Variants in PLPPR5 observed in about 807,000 individuals in gnomAD.
PLPPR5 encodes the protein phospholipid phosphatase-related protein type 5.
PLPPR5 carries 16 observed loss-of-function variants against 33.9 expected under a neutral mutation model. The ratio of observed to expected loss-of-function variants is 0.47; its 90% CI spans 0.32 to 0.72. The LOEUF is 0.72. PLPPR5 is among the 30% of genes least tolerant of loss of function. The probability of loss-of-function intolerance (pLI) is 0.03; values close to 1 mark genes in which losing one functional copy is unlikely to be tolerated. For missense variants in PLPPR5, 301 were observed against 406.7 expected, an observed-to-expected ratio of 0.74 and a Z score of 2.23; for synonymous variants, 163 against 150.3, an observed-to-expected ratio of 1.08 and a Z score of -0.62.
chr1:98,969,939 G>T (rs1651602147), intron 1 of PLPPR5, among the ~76,000 whole-genome samples: 1 of 151,928 alleles, frequency 6.6e-6, no homozygotes. Context: ...GGCTTTTGAG[G>T]TGACAGCTCT....
chr1:98,979,663 T>A (rs1441843509), intron 1 of PLPPR5, among the ~76,000 whole-genome samples: 3 of 152,064 alleles, frequency 2.0e-5, no homozygotes. Flanking sequence ...TTCTGCCTCC[T>A]GCGATGGATT....
chr1:98,979,140 A>C (rs906847794), intron 1 of PLPPR5, among the ~76,000 whole-genome samples: 1 of 152,018 alleles, frequency 6.6e-6, no homozygotes, highest in Admixed American at 6.6e-5. Context: ...TGAATTTTTG[A>C]AAGTTTAGCT....
chr1:98,969,903 G>A (rs1196800810), intron 1 of PLPPR5, among the ~76,000 whole-genome samples: 1 of 152,016 alleles, frequency 6.6e-6, no homozygotes, highest in Non-Finnish European at 1.5e-5. Flanking sequence ...GATACTCTGA[G>A]TAACACTCTC....
intron 3 of PLPPR5, among the ~76,000 whole-genome samples, chr1:98,943,213 C>T (rs1650442869): frequency 6.6e-6 from 1 of 152,134 alleles, no homozygotes; most frequent in Non-Finnish European, 1.5e-5. Flanking sequence ...ATCTTCAACC[C>T]TTTGCACAGT....
intron 1 of PLPPR5, among the ~76,000 whole-genome samples, chr1:99,001,896 T>C (rs1433893194): frequency 6.6e-6 from 1 of 151,708 alleles, no homozygotes; most frequent in Non-Finnish European, 1.5e-5. Flanking sequence ...TACTTAATCT[T>C]TCTAAGCCAT....
intron 3 of PLPPR5, among the ~76,000 whole-genome samples, chr1:98,928,571 A>ATATATATATATATATATATC (rs1251556217): frequency 7.0e-6 from 1 of 142,594 alleles, no homozygotes; most frequent in Non-Finnish European, 1.5e-5. Flanking sequence ...ATATATATAT[A>ATATATATATATATATATATC]TGGTTCACTT....
intron 3 of PLPPR5, among the ~76,000 whole-genome samples, chr1:98,931,113 G>T (rs982587469): frequency 6.6e-6 from 1 of 152,132 alleles, no homozygotes; most frequent in East Asian, 1.9e-4. Context: ...GGAGGAGCAG[G>T]ATGACTCTTT....
intron 2 of PLPPR5, among the ~76,000 whole-genome samples, chr1:98,956,037 C>T (rs549634744): frequency 1.4e-4 from 22 of 152,178 alleles, no homozygotes; most frequent in South Asian, 1.2e-3. Context: ...ATCCCCAATA[C>T]TTTTTTGTTT....
chr1:98,948,290 C>T (rs889072405), intron 3 of PLPPR5, among the ~76,000 whole-genome samples: 3 of 152,086 alleles, frequency 2.0e-5, no homozygotes, highest in African/African-American at 7.2e-5. Context: ...GATTGTTGTG[C>T]ATGGGACTTT....
At chr1:98,908,339 C>T (rs1391524173) in intron 5 of PLPPR5, among the ~76,000 whole-genome samples, 7 of 152,104 alleles carry the variant, frequency 4.6e-5, no homozygotes, top group Non-Finnish European at 7.4e-5. Flanking sequence ...CTGTAGTTTT[C>T]ACTCTTGGTG....
chr1:98,952,712 C>A (rs1419775569), intron 3 of PLPPR5, among the ~76,000 whole-genome samples: 1 of 152,172 alleles, frequency 6.6e-6, no homozygotes, highest in Non-Finnish European at 1.5e-5. Context: ...CTTGGGTAGG[C>A]AGCTAAGAGG....
At chr1:98,939,496 G>A (rs1650297280) in intron 3 of PLPPR5, among the ~76,000 whole-genome samples, 1 of 151,912 alleles carries the variant, frequency 6.6e-6, no homozygotes, top group Non-Finnish European at 1.5e-5. Context: ...TTCTCCACAT[G>A]TATTGTCTCC....
intron 4 of PLPPR5, 81 bp from the exon 5 acceptor site, chr1:98,915,001 T>TCCTCAA: frequency 7.8e-7 from 1 of 1,281,070 alleles, no homozygotes; most frequent in Non-Finnish European, 1.1e-6. Context: ...TTAATAAAGC[T>TCCTCAA]AAGCATGTAA....
intron 2 of PLPPR5, among the ~76,000 whole-genome samples, chr1:98,954,863 T>C (rs1193249012): frequency 6.6e-6 from 1 of 152,152 alleles, no homozygotes; most frequent in Non-Finnish European, 1.5e-5. Flanking sequence ...TGTACACCTT[T>C]GAAATCTAGG....
In PLPPR5 at chr1:99,003,630, T is replaced by C. The variant is rs149351000; in HGVS notation, c.237+805A>G. Among the ~76,000 whole-genome samples the C allele has an allele frequency of 2.6e-3, 402 of 152,356 alleles. 1 individual carries two copies. The highest frequency in any genetic ancestry group is 9.2e-3 in the African/African-American group (384 of 41,580). ...AATTTATCCCCAATAATTTCATATG[T>C]ATATATGTGAGGTGTGTGTATACAC... On this transcript the variant is annotated intron_variant, in intron 1 of 5. Transcript: ENST00000263177.
intron 4 of PLPPR5, among the ~76,000 whole-genome samples, chr1:98,917,883 T>A (rs1649415618): frequency 6.6e-6 from 1 of 152,228 alleles, no homozygotes; most frequent in South Asian, 2.1e-4. Flanking sequence ...ACTGTCACAG[T>A]GAGGGATCAG....
intron 1 of PLPPR5, among the ~76,000 whole-genome samples, chr1:98,979,910 A>G (rs1651995596): frequency 6.6e-6 from 1 of 151,892 alleles, no homozygotes; most frequent in African/African-American, 2.4e-5. Flanking sequence ...GGCTGCCCTC[A>G]TATCCGTAAC....
At chr1:98,996,881 G>A (rs1166035994) in intron 1 of PLPPR5, among the ~76,000 whole-genome samples, 3 of 152,040 alleles carry the variant, frequency 2.0e-5, no homozygotes, top group Non-Finnish European at 4.4e-5. Context: ...TCCCTTGCCT[G>A]CTAGGAATGC....
At chr1:98,963,854 C>CTGT (rs1470384475) in intron 1 of PLPPR5, among the ~76,000 whole-genome samples, 5 of 152,170 alleles carry the variant, frequency 3.3e-5, no homozygotes, top group African/African-American at 9.7e-5. Flanking sequence ...CCTATTAACA[C>CTGT]ACAAGCCAGT....
Sources: allele counts gnomAD v4.1 joint callset (sites outside exome capture counted in the v4.1 genomes callset), GRCh38; gene constraint gnomAD v4.1.1; transcripts MANE v1.5; gene names NCBI Gene and HGNC (gene_info 2026-07-23, HGNC 2026-07-21).